The following GPM6A variants were observed in gnomAD, a reference collection of about 807,000 sequenced individuals.
GPM6A encodes the protein glycoprotein M6A.
A neutral mutation model predicts 32.1 loss-of-function variants in GPM6A; 7 were observed. The ratio of observed to expected loss-of-function variants is 0.22; its 90% CI spans 0.12 to 0.41. The LOEUF (loss-of-function observed/expected upper bound fraction) is 0.41, where lower values mean the gene tolerates loss of function less well. Among genes scored for constraint, GPM6A ranks in the 10% least tolerant of loss-of-function variants. GPM6A has a pLI of 1.00. For missense variants in GPM6A, 235 were observed against 347.2 expected, an observed-to-expected ratio of 0.68 and a Z score of 2.57; for synonymous variants, 130 against 123.4, an observed-to-expected ratio of 1.05 and a Z score of -0.35.
At chr4:175,636,606 G>A (rs1030722812) in intron 6 of GPM6A, among the ~76,000 whole-genome samples, 8 of 150,208 alleles carry the variant, frequency 5.3e-5, no homozygotes, top group Middle Eastern at 3.4e-3. Context: ...GACCAGTCTG[G>A]CCAACATAGT....
chr4:175,657,282 T>C (rs926327389), intron 3 of GPM6A, among the ~76,000 whole-genome samples: 2 of 152,174 alleles, frequency 1.3e-5, no homozygotes, highest in Admixed American at 6.5e-5. Context: ...CTTCAATAGA[T>C]AGACAGTAGC....
At chr4:175,736,183 T>C (rs949457340) in intron 1 of GPM6A, among the ~76,000 whole-genome samples, 1 of 145,986 alleles carries the variant, frequency 6.8e-6, no homozygotes, top group Non-Finnish European at 1.6e-5. Context: ...CCATGCCTAA[T>C]TTTTTCTTTA....
intron 6 of GPM6A, among the ~76,000 whole-genome samples, chr4:175,637,664 T>A (rs1740832352): frequency 1.9e-3 from 1 of 536 alleles, no homozygotes; most frequent in Non-Finnish European, 6.3e-3. Context: ...ATAAAATATA[T>A]AATATATATA....
chr4:175,843,512 T>C (rs1224413814), intron 1 of GPM6A, among the ~76,000 whole-genome samples: 1 of 152,116 alleles, frequency 6.6e-6, no homozygotes, highest in Non-Finnish European at 1.5e-5. Flanking sequence ...GGGTTTCTGT[T>C]TCAACACATT....
At chr4:175,959,832 G>A (rs1740110975) in intron 1 of GPM6A, among the ~76,000 whole-genome samples, 1 of 152,044 alleles carries the variant, frequency 6.6e-6, no homozygotes, top group African/African-American at 2.4e-5. Flanking sequence ...ATAGAGGAGG[G>A]CTGAAAATGC....
At chr4:175,721,390 C>T (rs186264284) in intron 1 of GPM6A, among the ~76,000 whole-genome samples, 183 of 151,402 alleles carry the variant, frequency 1.2e-3, no homozygotes, top group Non-Finnish European at 2.2e-3. Context: ...GCAGGAGAAT[C>T]GCTTGAACCC....
intron 1 of GPM6A, among the ~76,000 whole-genome samples, chr4:175,722,541 T>G (rs1381768449): frequency 6.6e-6 from 1 of 152,100 alleles, no homozygotes; most frequent in African/African-American, 2.4e-5. Flanking sequence ...CTTTCTTCCT[T>G]TCTAATAAAC....
At chr4:175,877,887 G>A (rs1221775682) in intron 1 of GPM6A, among the ~76,000 whole-genome samples, 1 of 152,084 alleles carries the variant, frequency 6.6e-6, no homozygotes, top group Non-Finnish European at 1.5e-5. Context: ...CCACCTATGA[G>A]CCTGTAAAAT....
chr4:175,946,917 G>A (rs889588554), intron 1 of GPM6A, among the ~76,000 whole-genome samples: 1 of 152,122 alleles, frequency 6.6e-6, no homozygotes, highest in African/African-American at 2.4e-5. Flanking sequence ...AACTTCCTGA[G>A]AGGAAGCCAA....
chr4:175,704,651 A>G (rs1272282484), intron 1 of GPM6A, among the ~76,000 whole-genome samples: 1 of 152,186 alleles, frequency 6.6e-6, no homozygotes, highest in African/African-American at 2.4e-5. Context: ...AGTATACCAC[A>G]TAGCCTCATG....
intron 2 of GPM6A, among the ~76,000 whole-genome samples, chr4:175,695,582 A>T (rs566166874): frequency 6.6e-6 from 1 of 152,302 alleles, no homozygotes; most frequent in East Asian, 1.9e-4. Context: ...TTGAAATTGG[A>T]GTATTTACCC....
At chr4:175,772,357 T>C (rs1456220277) in intron 1 of GPM6A, among the ~76,000 whole-genome samples, 2 of 152,150 alleles carry the variant, frequency 1.3e-5, no homozygotes, top group Non-Finnish European at 2.9e-5. Flanking sequence ...GCTGAAGTCC[T>C]AGGGGGTTAG....
At chr4:175,892,601 T>C (rs887270968) in intron 1 of GPM6A, among the ~76,000 whole-genome samples, 4 of 152,198 alleles carry the variant, frequency 2.6e-5, no homozygotes, top group African/African-American at 9.6e-5. Flanking sequence ...AATTTTCCAC[T>C]ACGGCTCTTT....
chr4:175,958,182 C>A (rs1740050314), intron 1 of GPM6A, among the ~76,000 whole-genome samples: 1 of 152,224 alleles, frequency 6.6e-6, no homozygotes. Context: ...CGTGAGCCAC[C>A]ATGCCCAGCC....
chr4:175,867,692 A>G (rs1736783098), intron 1 of GPM6A, among the ~76,000 whole-genome samples: 1 of 152,062 alleles, frequency 6.6e-6, no homozygotes, highest in Admixed American at 6.6e-5. Context: ...TTAGTGTTGC[A>G]TTGTAGTAAG....
intron 1 of GPM6A, among the ~76,000 whole-genome samples, chr4:175,719,544 T>C (rs1322533956): frequency 6.6e-6 from 1 of 152,136 alleles, no homozygotes; most frequent in African/African-American, 2.4e-5. Context: ...ATAATCACAG[T>C]ATGCCGTTTT....
In GPM6A at chr4:175,755,688, C is replaced by T. The variant is rs569725865; in HGVS notation, c.38-53921G>A. On this transcript the variant is annotated intron_variant, in intron 1 of 6. Transcript: ENST00000393658. Reference sequence around the variant, plus strand: ...TGGTAGTACTTACTTCTCTGCAAGCCCAACAGACAATTGCCTGGGAATAGC... The same window carrying T: ...TGGTAGTACTTACTTCTCTGCAAGCTCAACAGACAATTGCCTGGGAATAGC... Among the ~76,000 whole-genome samples, 13 of 152,160 alleles carry T rather than the reference C, an allele frequency of 8.5e-5. 1 individual carries two copies. The highest frequency in any genetic ancestry group is 8.5e-4 in the Admixed American group (13 of 15,260).
intron 1 of GPM6A, among the ~76,000 whole-genome samples, chr4:175,947,460 T>C (rs1739647349): frequency 6.6e-6 from 1 of 152,064 alleles, no homozygotes; most frequent in Non-Finnish European, 1.5e-5. Context: ...GAATAATATT[T>C]ATTAAGTGTA....
chr4:175,941,212 C>T (rs4465991), intron 1 of GPM6A, among the ~76,000 whole-genome samples: 151,525 of 152,338 alleles, frequency 0.99, 75,364 homozygotes, highest in East Asian at 1. Context: ...CTAACAATTT[C>T]GGTTTCTAAA....
Sources: gnomAD v4.1 joint callset for allele counts (sites outside exome capture counted in the v4.1 genomes callset) on GRCh38, gnomAD v4.1.1 for gene constraint, MANE v1.5 for transcripts, NCBI Gene and HGNC (gene_info 2026-07-23, HGNC 2026-07-21) for gene names.